The following ZNF678 variants were observed in gnomAD, a reference collection of about 807,000 sequenced individuals.
ZNF678 encodes the protein zinc finger protein 678, also known as hypothetical protein MGC42493.
Under a neutral mutation model 3.0 loss-of-function variants are expected in ZNF678, and 5 were observed. The ratio of observed to expected loss-of-function variants is 1.69; its 90% CI spans 0.88 to 3.56. ZNF678 has a LOEUF of 3.56. ZNF678 is among the 30% of genes most tolerant of loss of function. The pLI is 0.00. For missense variants in ZNF678, 593 were observed against 605.0 expected (o/e 0.98, Z 0.21); for synonymous variants, 218 against 199.6 (o/e 1.09, Z -0.78).
intron 1 of ZNF678, among the ~76,000 whole-genome samples, chr1:227,631,350 G>A (rs778885326): frequency 6.6e-6 from 1 of 152,168 alleles, no homozygotes; most frequent in African/African-American, 2.4e-5. Context: ...AAAGGGGTCT[G>A]GGCTACTGGA....
intron 1 of ZNF678, chr1:227,598,914 A>G (rs773768408): frequency 6.8e-6 from 5 of 735,590 alleles, no homozygotes; most frequent in South Asian, 2.9e-5. Context: ...CCACTTAACA[A>G]TTTCTCCCTG....
At position 227,673,704 on chromosome 1, in the gene ZNF678, C is replaced by T. The variant is rs188156881; in HGVS notation, c.227-3475C>T. 4.3e-4 allele frequency among the ~76,000 whole-genome samples: 65 copies of T among 152,292 alleles called. 1 individual carries two copies. Among genetic ancestry groups the T allele is most frequent in the Non-Finnish European group, 7.5e-4 (51 of 68,022 alleles). On this transcript the variant is annotated intron_variant, in intron 5 of 5. Transcript: ENST00000608949. ...TGTGGAAACTGAAGATTTGCCTTATCCAATGAAGCTTTAGGACAGGGCTGC... is the reference window on the plus strand; with the variant it reads ...TGTGGAAACTGAAGATTTGCCTTATTCAATGAAGCTTTAGGACAGGGCTGC...
At chr1:227,635,527 G>C (rs1658654612) in intron 1 of ZNF678, among the ~76,000 whole-genome samples, 1 of 146,668 alleles carries the variant, frequency 6.8e-6, no homozygotes, top group South Asian at 2.1e-4. Context: ...GTGTGTGTGT[G>C]TGTGTGTGTG....
intron 1 of ZNF678, among the ~76,000 whole-genome samples, chr1:227,589,582 C>G (rs1369588189): frequency 6.6e-6 from 1 of 151,614 alleles, no homozygotes; most frequent in Non-Finnish European, 1.5e-5. Context: ...CAATTCCTGT[C>G]CCTTTTAAGG....
At chr1:227,582,333 G>A (rs1012911462) in intron 1 of ZNF678, among the ~76,000 whole-genome samples, 22 of 151,886 alleles carry the variant, frequency 1.4e-4, no homozygotes, top group Admixed American at 1.4e-3. Context: ...ATGTGTGTAT[G>A]AGATAGGTTT....
intron 1 of ZNF678, among the ~76,000 whole-genome samples, chr1:227,569,398 C>G (rs950370428): frequency 1.3e-5 from 2 of 150,858 alleles, no homozygotes; most frequent in African/African-American, 2.5e-5. Context: ...TTGTCTTTAT[C>G]TAAGACCTGG....
intron 5 of ZNF678, among the ~76,000 whole-genome samples, chr1:227,669,726 TA>T (rs201398109): frequency 1.3e-5 from 2 of 151,382 alleles, no homozygotes; most frequent in African/African-American, 2.4e-5. Flanking sequence ...AGGCTGCAGA[TA>T]AAAAAAACCC....
chr1:227,664,530 G>T (rs1659470095), downstream of ZNF678, among the ~76,000 whole-genome samples: 2 of 152,162 alleles, frequency 1.3e-5, no homozygotes, highest in African/African-American at 4.8e-5. Flanking sequence ...CATGCCCCCT[G>T]CCAAATGGCC....
intron 1 of ZNF678, among the ~76,000 whole-genome samples, chr1:227,633,098 C>G (rs1402410259): frequency 3.9e-5 from 6 of 152,278 alleles, no homozygotes; most frequent in Non-Finnish European, 2.9e-5. Context: ...CTCACTGGAT[C>G]AGAATTGTGG....
chr1:227,603,890 T>C (rs1357264366), intron 1 of ZNF678, among the ~76,000 whole-genome samples: 1 of 152,216 alleles, frequency 6.6e-6, no homozygotes, highest in Non-Finnish European at 1.5e-5. Context: ...CTCCATTCTA[T>C]CTGTAGACAT....
At chr1:227,576,692 A>G (rs1157758622) in intron 1 of ZNF678, among the ~76,000 whole-genome samples, 1 of 152,108 alleles carries the variant, frequency 6.6e-6, no homozygotes, top group Non-Finnish European at 1.5e-5. Flanking sequence ...AAATGCCTCC[A>G]GGATTTGCTG....
At chr1:227,567,411 A>G (rs1656716314) in intron 1 of ZNF678, among the ~76,000 whole-genome samples, 1 of 152,280 alleles carries the variant, frequency 6.6e-6, no homozygotes, top group East Asian at 1.9e-4. Context: ...GCCAATCTTG[A>G]GCCTGCAAAA....
At chr1:227,626,601 C>T (rs1021869513) in intron 1 of ZNF678, among the ~76,000 whole-genome samples, 1 of 152,172 alleles carries the variant, frequency 6.6e-6, no homozygotes. Flanking sequence ...GAAGGGCCGT[C>T]CATACAGCAT....
chr1:227,610,800 G>T (rs1472649425), intron 1 of ZNF678, among the ~76,000 whole-genome samples: 10 of 152,160 alleles, frequency 6.6e-5, no homozygotes, highest in Admixed American at 6.5e-4. Context: ...CTCAAGTAGG[G>T]CATAGAAGGG....
chr1:227,599,699 T>G (rs571287760), intron 1 of ZNF678, among the ~76,000 whole-genome samples: 1 of 152,340 alleles, frequency 6.6e-6, no homozygotes, highest in Non-Finnish European at 1.5e-5. Flanking sequence ...AATAGAACTT[T>G]CTGTTGTTTA....
At chr1:227,576,892 G>A (rs1052103952) in intron 1 of ZNF678, among the ~76,000 whole-genome samples, 15 of 152,206 alleles carry the variant, frequency 9.9e-5, no homozygotes, top group Middle Eastern at 6.8e-3. Context: ...TTCCATCTTA[G>A]CACTGCCTTA....
At position 227,646,531 on chromosome 1, in the gene ZNF678, T is replaced by C. The variant is rs529342593; in HGVS notation, c.-163-13T>C. The C allele has an allele frequency of 2.6e-5, 34 of 1,330,244 alleles. 1 individual carries two copies. The African/African-American group carries it at 3.5e-4, about 14-fold the overall frequency. 82.4% of individuals were successfully genotyped at this position (1,330,244 alleles called of 1,614,324 possible). A position where few individuals can be genotyped will look rare whatever the true frequency, so the allele number is the denominator to read the frequency against. ...ACATTTTGTAAATACGTGTGTATTT[T>C]TCCCCCCCCCAGGGACTACTGGCAT... On this transcript the variant is annotated splice_polypyrimidine_tract_variant and intron_variant, in intron 1 of 3. Coordinates refer to ENST00000343776, the MANE Select transcript of ZNF678 (RefSeq NM_001367909.1).
At chr1:227,579,618 A>G (rs1208182823) in intron 1 of ZNF678, among the ~76,000 whole-genome samples, 3 of 152,116 alleles carry the variant, frequency 2.0e-5, no homozygotes, top group African/African-American at 4.8e-5. Flanking sequence ...AGGCTTGTGC[A>G]TGGTCATAGG....
chr1:227,610,739 C>T (rs1205402572), intron 1 of ZNF678, among the ~76,000 whole-genome samples: 1 of 152,170 alleles, frequency 6.6e-6, no homozygotes, highest in Non-Finnish European at 1.5e-5. Flanking sequence ...CAACAAGAAA[C>T]CGGTACAGCT....
Sources: gnomAD v4.1 joint callset for allele counts (sites outside exome capture counted in the v4.1 genomes callset) on GRCh38, gnomAD v4.1.1 for gene constraint, MANE v1.5 for transcripts, NCBI Gene and HGNC (gene_info 2026-07-23, HGNC 2026-07-21) for gene names.